Variants in GABRA3 observed in about 807,000 individuals in gnomAD.
The protein encoded by GABRA3 is gamma-aminobutyric acid type A receptor subunit alpha3, also known as gamma-aminobutyric acid receptor subunit alpha-3.
GABRA3 carries 10 observed loss-of-function variants against 30.1 expected under a neutral mutation model. The ratio of observed to expected loss-of-function variants is 0.33; its 90% CI spans 0.20 to 0.56. GABRA3 has a LOEUF of 0.56. Ranked by LOEUF, GABRA3 falls within the 20% of genes least tolerant of loss-of-function variation. GABRA3 has a pLI of 0.89. For missense variants in GABRA3, 233 were observed against 392.0 expected (o/e 0.59, Z 3.42); for synonymous variants, 151 against 146.8 (o/e 1.03, Z -0.21).
intron 1 of GABRA3, among the ~76,000 whole-genome samples, chrX:152,433,765 A>T (rs1930707561): frequency 9.1e-6 from 1 of 109,555 alleles, no homozygotes; most frequent in South Asian, 3.9e-4. Context: ...GATCAATAAA[A>T]GTAGTAAACT....
At chrX:152,193,997 A>AAAAAT (rs1309840592) in intron 8 of GABRA3, among the ~76,000 whole-genome samples, 48 of 112,394 alleles carry the variant, frequency 4.3e-4, no homozygotes, top group African/African-American at 1.4e-3. Context: ...ACCCGCCTCA[A>AAAAAT]AAAATAAAAT....
intron 5 of GABRA3, among the ~76,000 whole-genome samples, chrX:152,238,435 G>A (rs1171882954): frequency 4.6e-4 from 49 of 107,053 alleles, no homozygotes; most frequent in African/African-American, 1.6e-3. Context: ...GTTCATCAAG[G>A]ATATTGGTCT....
At chrX:152,171,323 C>G (rs1049950170) in intron 9 of GABRA3, 2 of 316,837 alleles carry the variant, frequency 6.3e-6, no homozygotes, top group Non-Finnish European at 8.3e-6. Context: ...GCAGCAATCA[C>G]GTTAATCACA....
intron 1 of GABRA3, among the ~76,000 whole-genome samples, chrX:152,402,531 A>C (rs1929821172): frequency 8.9e-6 from 1 of 111,733 alleles, no homozygotes. Context: ...TAAACTTCTA[A>C]GTCTAATAAT....
intron 3 of GABRA3, among the ~76,000 whole-genome samples, chrX:152,311,555 T>C (rs1439011846): frequency 1.8e-5 from 2 of 111,842 alleles, no homozygotes; most frequent in African/African-American, 3.2e-5. Flanking sequence ...TACTTCAAAA[T>C]AATAGGAGTC....
intron 6 of GABRA3, among the ~76,000 whole-genome samples, chrX:152,211,770 T>C (rs1310814092): frequency 9.0e-6 from 1 of 110,815 alleles, no homozygotes; most frequent in Non-Finnish European, 1.9e-5. Context: ...AAACCAGAGG[T>C]GAGCACTATT....
chrX:152,175,010 G>A (rs1295627998), intron 9 of GABRA3, among the ~76,000 whole-genome samples: 1 of 111,759 alleles, frequency 8.9e-6, no homozygotes, highest in East Asian at 2.8e-4. Flanking sequence ...TTCTCCATAT[G>A]GCTAGCCAGT....
chrX:152,232,998 C>T (rs1938116415), intron 5 of GABRA3, among the ~76,000 whole-genome samples: 1 of 110,810 alleles, frequency 9.0e-6, no homozygotes. Flanking sequence ...TTTGTTTTTG[C>T]ATTTTAATAA....
intron 5 of GABRA3, among the ~76,000 whole-genome samples, chrX:152,233,742 C>T (rs1434890901): frequency 9.6e-6 from 1 of 104,621 alleles, no homozygotes; most frequent in African/African-American, 3.5e-5. Flanking sequence ...AAGACACATG[C>T]ACACGTATGT....
At chrX:152,409,229 C>T (rs1397658878) in intron 1 of GABRA3, among the ~76,000 whole-genome samples, 1 of 110,951 alleles carries the variant, frequency 9.0e-6, no homozygotes, top group Non-Finnish European at 1.9e-5. Context: ...CATGGTGGTA[C>T]ATGCCTGTAG....
At chrX:152,407,007 T>A (rs1222839928) in intron 1 of GABRA3, among the ~76,000 whole-genome samples, 1 of 111,782 alleles carries the variant, frequency 8.9e-6, no homozygotes, top group African/African-American at 3.2e-5. Flanking sequence ...ATTGGGCCAA[T>A]AAACAAGTAA....
At chrX:152,339,515 A>T (rs1365198065) in intron 3 of GABRA3, among the ~76,000 whole-genome samples, 1 of 111,558 alleles carries the variant, frequency 9.0e-6, no homozygotes, top group African/African-American at 3.3e-5. Context: ...CACTGCCCCC[A>T]GCCTATGTTG....
At chrX:152,222,243 TTTAC>T (rs1203338002) in intron 6 of GABRA3, among the ~76,000 whole-genome samples, 1 of 108,596 alleles carries the variant, frequency 9.2e-6, no homozygotes, top group East Asian at 2.9e-4. Context: ...CCACACGCTT[TTTAC>T]TTGTTTGTGT....
At chrX:152,330,370 A>C (rs1940143533) in intron 3 of GABRA3, among the ~76,000 whole-genome samples, 1 of 111,949 alleles carries the variant, frequency 8.9e-6, no homozygotes, top group Admixed American at 9.5e-5. Context: ...AAGGATTATA[A>C]ATCATGCTGC....
At chrX:152,217,051 A>C (rs1937737887) in intron 6 of GABRA3, among the ~76,000 whole-genome samples, 1 of 111,357 alleles carries the variant, frequency 9.0e-6, no homozygotes, top group Non-Finnish European at 1.9e-5. Context: ...AACTGGTACT[A>C]TATTGGTTTA....
At chrX:152,276,046 A>T (rs1329922730) in intron 4 of GABRA3, among the ~76,000 whole-genome samples, 1 of 110,707 alleles carries the variant, frequency 9.0e-6, no homozygotes, top group Non-Finnish European at 1.9e-5. Flanking sequence ...AGAGGAGAAA[A>T]TTCATGCAAT....
At chrX:152,275,465 A>ATATTTATTTTAAATAT (rs1939063497) in intron 4 of GABRA3, among the ~76,000 whole-genome samples, 1 of 106,062 alleles carries the variant, frequency 9.4e-6, no homozygotes, top group Non-Finnish European at 1.9e-5. Context: ...TTTAAATATC[A>ATATTTATTTTAAATAT]AATAAATAGA....
chrX:152,189,176 C>A (rs1159898378), intron 9 of GABRA3, among the ~76,000 whole-genome samples: 2 of 111,778 alleles, frequency 1.8e-5, no homozygotes, highest in Non-Finnish European at 3.8e-5. Flanking sequence ...ATCAGGAGCA[C>A]CCATGCCTCA....
At chrX:152,433,706 CA>C (rs199848886) in intron 1 of GABRA3, among the ~76,000 whole-genome samples, 22,255 of 58,241 alleles carry the variant, frequency 0.38, 3,204 homozygotes, top group East Asian at 0.62. Context: ...GAAGGAAGAC[CA>C]AAAAAAAAAA....
Sources: gnomAD v4.1 joint callset for allele counts (sites outside exome capture counted in the v4.1 genomes callset) on GRCh38, gnomAD v4.1.1 for gene constraint, MANE v1.5 for transcripts, NCBI Gene and HGNC (gene_info 2026-07-23, HGNC 2026-07-21) for gene names.